Variants in ANKFN1 observed in about 807,000 individuals in gnomAD.
ANKFN1 encodes the protein ankyrin repeat and fibronectin type-III domain-containing protein 1.
A neutral mutation model predicts 108.7 loss-of-function variants in ANKFN1; 74 were observed. The observed-to-expected ratio is 0.68, with a 90% CI of 0.56 to 0.83. ANKFN1 has a LOEUF of 0.83. Among genes scored for constraint, ANKFN1 ranks in the 40% least tolerant of loss-of-function variants. The pLI, the probability that ANKFN1 is intolerant of heterozygous loss-of-function variation, is 0.00. For missense variants in ANKFN1, 1,505 were observed against 1,382.3 expected (o/e 1.09, Z -1.41); for synonymous variants, 547 against 516.2 (o/e 1.06, Z -0.81).
At chr17:56,421,470 A>C (rs1205668618) in intron 8 of ANKFN1, among the ~76,000 whole-genome samples, 1 of 152,198 alleles carries the variant, frequency 6.6e-6, no homozygotes, top group Non-Finnish European at 1.5e-5. Context: ...GCACAAACCC[A>C]AACCAATGGC....
intron 4 of ANKFN1, among the ~76,000 whole-genome samples, chr17:56,114,955 G>T (rs1230866917): frequency 6.6e-6 from 1 of 152,192 alleles, no homozygotes; most frequent in African/African-American, 2.4e-5. Flanking sequence ...GCCCCCGGAA[G>T]CTGGAAAAGG....
intron 19 of ANKFN1, among the ~76,000 whole-genome samples, chr17:56,495,250 C>T (rs2051161948): frequency 6.6e-6 from 1 of 152,164 alleles, no homozygotes; most frequent in Non-Finnish European, 1.5e-5. Context: ...CTTCTCCCAA[C>T]ATGGATAACT....
chr17:56,449,227 C>G, intron 11 of ANKFN1, 41 bp downstream of exon 11: 1 of 1,499,396 alleles, frequency 6.7e-7, no homozygotes, highest in Non-Finnish European at 9.1e-7. Flanking sequence ...ACTGAGGTCT[C>G]GGTGGCGCCG....
chr17:56,430,119 C>G (rs1246401180), intron 8 of ANKFN1, among the ~76,000 whole-genome samples: 6 of 151,986 alleles, frequency 3.9e-5, no homozygotes, highest in African/African-American at 1.5e-4. Flanking sequence ...AAGAAATGGA[C>G]CATGATATTA....
At chr17:56,103,133 G>T (rs186823498) in intron 4 of ANKFN1, among the ~76,000 whole-genome samples, 1 of 152,332 alleles carries the variant, frequency 6.6e-6, no homozygotes, top group African/African-American at 2.4e-5. Context: ...GCTGACTGCA[G>T]TCGCCTTTGA....
At chr17:56,115,352 C>G (rs1164332505) in intron 4 of ANKFN1, among the ~76,000 whole-genome samples, 1 of 152,092 alleles carries the variant, frequency 6.6e-6, no homozygotes, top group Non-Finnish European at 1.5e-5. Context: ...TGAAGCAGAT[C>G]TGTAAGTACT....
chr17:56,249,550 A>G (rs943834997), intron 3 of ANKFN1, among the ~76,000 whole-genome samples: 81 of 152,194 alleles, frequency 5.3e-4, no homozygotes, highest in Admixed American at 5.3e-3. Flanking sequence ...GAAACTCCAT[A>G]TGGAAGAACA....
In ANKFN1 at chr17:56,510,948, G is replaced by A; in HGVS notation, c.3120G>A (p.Gln1040=). The part of the protein sequence containing the change: ...SEGIYTQHLS[Q]ACGLAQEPKE... ...GCATTTATACACAGCACCTGTCCCA[G>A]GCCTGTGGTCTGGCCCAGGAGCCCA... The change falls in exon 21 of 21, where the codon CAG becomes CAA. Residue 1040 remains glutamine (Q), a synonymous_variant. Coordinates refer to ENST00000682825, the MANE Select transcript of ANKFN1 (RefSeq NM_001370326.1). The A allele has an allele frequency of 1.3e-6, 2 of 1,536,164 alleles. No individual in the cohort carries two copies. Among genetic ancestry groups the A allele is most frequent in the Non-Finnish European group, 1.7e-6 (2 of 1,146,906 alleles).
chr17:56,166,084 T>A (rs2143532878), intron 1 of ANKFN1, among the ~76,000 whole-genome samples: 1 of 152,336 alleles, frequency 6.6e-6, no homozygotes, highest in South Asian at 2.1e-4. Flanking sequence ...ATGCACTAGA[T>A]CTTCCAAAAT....
intron 2 of ANKFN1, among the ~76,000 whole-genome samples, chr17:56,223,503 C>T (rs1242302849): frequency 1.3e-5 from 2 of 151,978 alleles, no homozygotes; most frequent in Admixed American, 6.6e-5. Context: ...AGCAAAGGCA[C>T]AGAGTCAAGG....
At chr17:56,444,599 C>T (rs1001791128) in intron 10 of ANKFN1, among the ~76,000 whole-genome samples, 1 of 152,084 alleles carries the variant, frequency 6.6e-6, no homozygotes, top group African/African-American at 2.4e-5. Flanking sequence ...TTGGAGATAA[C>T]CTTTATCAGA....
intron 19 of ANKFN1, among the ~76,000 whole-genome samples, chr17:56,493,764 T>G (rs549352545): frequency 6.6e-6 from 1 of 152,222 alleles, no homozygotes; most frequent in East Asian, 1.9e-4. Flanking sequence ...TCACTCTTAT[T>G]GGTCATGCTC....
At chr17:56,471,155 T>C (rs573053264) in intron 15 of ANKFN1, 9 of 152,726 alleles carry the variant, frequency 5.9e-5, no homozygotes, top group African/African-American at 2.2e-4. Flanking sequence ...GGAAGTACCT[T>C]GTCAAGTCAT....
In ANKFN1 at chr17:56,398,910, A is replaced by T. The variant is rs934854513; in HGVS notation, c.910+24196A>T. 8.5e-5 allele frequency among the ~76,000 whole-genome samples: 13 copies of T among 152,314 alleles called. No individual in the cohort carries two copies. The East Asian group carries it at 2.1e-3, about 25-fold the overall frequency. On this transcript the variant is annotated intron_variant, in intron 8 of 20. Transcript: ENST00000682825. The stretch of plus-strand genomic sequence containing the variant: ...AGTATAAATGTAAGATAATACTATC[A>T]CTATTAGGTTAACATAAAGGTCATA...
chr17:56,216,950 A>G, intron 2 of ANKFN1, among the ~76,000 whole-genome samples: 1 of 152,350 alleles, frequency 6.6e-6, no homozygotes, highest in South Asian at 2.1e-4. Context: ...AAAAGGAAGA[A>G]AAAGAAAAAT....
chr17:56,338,503 A>C (rs1598426204), intron 4 of ANKFN1, among the ~76,000 whole-genome samples: 2 of 152,122 alleles, frequency 1.3e-5, no homozygotes, highest in East Asian at 3.9e-4. Flanking sequence ...TGGGTTTTTC[A>C]GTGAAAATGG....
At chr17:56,308,294 A>T (rs1057112665) in intron 3 of ANKFN1, among the ~76,000 whole-genome samples, 3 of 152,074 alleles carry the variant, frequency 2.0e-5, no homozygotes, top group Non-Finnish European at 4.4e-5. Flanking sequence ...CAAAAAAAAG[A>T]TTTTAATTTT....
At chr17:56,159,838 T>A (rs16956807) in intron 1 of ANKFN1, among the ~76,000 whole-genome samples, 1 of 152,068 alleles carries the variant, frequency 6.6e-6, no homozygotes, top group Non-Finnish European at 1.5e-5. Flanking sequence ...TCCTGCATGT[T>A]GTTAGAGCAG....
intron 4 of ANKFN1, among the ~76,000 whole-genome samples, chr17:56,341,640 A>C (rs139177699): frequency 1.8e-4 from 27 of 152,260 alleles, no homozygotes; most frequent in African/African-American, 5.8e-4. Flanking sequence ...CCAACTTTGC[A>C]TCCTAAGGAT....
Sources: gnomAD v4.1 joint callset for allele counts (sites outside exome capture counted in the v4.1 genomes callset) on GRCh38, gnomAD v4.1.1 for gene constraint, MANE v1.5 for transcripts, NCBI Gene and HGNC (gene_info 2026-07-23, HGNC 2026-07-21) for gene names.